ENKD1: variants seen among roughly 807,000 people sequenced by gnomAD.
The protein encoded by ENKD1 is enkurin domain containing 1.
In ENKD1, 39 loss-of-function variants were observed where a neutral mutation model predicts 35.8. That is an observed-to-expected ratio of 1.09 (90% CI 0.84 to 1.42). The LOEUF is 1.42. Among genes scored for constraint, ENKD1 ranks in the 40% most tolerant of loss-of-function variants. The probability of loss-of-function intolerance (pLI) is 0.00; values close to 1 mark genes in which losing one functional copy is unlikely to be tolerated. For synonymous variants in ENKD1, 205 were observed against 198.6 expected, an observed-to-expected ratio of 1.03 and a Z score of -0.27; for missense variants, 474 against 471.3, an observed-to-expected ratio of 1.01 and a Z score of -0.05.
At chr16:67,664,213 C>T (rs986007642) in intron 3 of ENKD1, 151 bp from the exon 4 acceptor site, 7 of 731,990 alleles carry the variant, frequency 9.6e-6, no homozygotes, top group Non-Finnish European at 1.7e-5. Flanking sequence ...CATCAGCACA[C>T]AAATGTGTGA....
intron 2 of ENKD1, among the ~76,000 whole-genome samples, chr16:67,665,681 GTGAAGTACACCAT>G (rs1392708196): frequency 2.0e-5 from 3 of 152,164 alleles, no homozygotes; most frequent in African/African-American, 4.8e-5. Context: ...CATTATTATA[GTGAAGTACACCAT>G]TGAAGTACAC....
rs1372040514 is a variant in ENKD1, at chr16:67,663,924, T to C, written c.579+13A>G. 1.2e-6 allele frequency: 2 copies of C among 1,607,240 alleles called. No individual in the cohort carries two copies. The highest frequency in any genetic ancestry group is 1.7e-6 in the Non-Finnish European group (2 of 1,176,934). Reference sequence around the variant, plus strand: ...CTGCCCAACCACCATCTAGCCCCCATACATCCTCTCACCTTAGCTTCGGGA... The same window carrying C: ...CTGCCCAACCACCATCTAGCCCCCACACATCCTCTCACCTTAGCTTCGGGA... On this transcript the variant is annotated intron_variant, in intron 4 of 6. Transcript: ENST00000243878.
intron 2 of ENKD1, 75 bp from the exon 3 acceptor site, chr16:67,665,243 G>A: frequency 1.3e-6 from 2 of 1,506,906 alleles, no homozygotes; most frequent in Non-Finnish European, 8.9e-7. Context: ...TCACACACAG[G>A]CCTGCCCCCT....
In ENKD1 at chr16:67,665,140, C is replaced by T; in HGVS notation, c.309G>A (p.Glu103=). 1 of 1,613,834 alleles carries T rather than the reference C, an allele frequency of 6.2e-7. No homozygotes were observed. The highest frequency in any genetic ancestry group is 8.5e-7 in the Non-Finnish European group (1 of 1,179,932). ...GAATCTCCCTGATCCGCCTCAGGTT[C>T]TCCTTCTCATGGTCCTTAGGGTCCT... ...KRKDPKDHEK[E]NLRRIREIQK... Residue 103 remains glutamate (E), a synonymous_variant, in exon 3 of 7, where the codon GAG becomes GAA. Transcript: ENST00000243878.
intron 3 of ENKD1, 112 bp from the exon 4 acceptor site, chr16:67,664,174 C>G: frequency 1.1e-6 from 1 of 914,996 alleles, no homozygotes; most frequent in Non-Finnish European, 1.7e-6. Flanking sequence ...CCCTCGGGCC[C>G]TCTTCCCTCT....
At chr16:67,664,852 C>T in intron 3 of ENKD1, 144 bp downstream of exon 3, 1 of 1,058,224 alleles carries the variant, frequency 9.4e-7, no homozygotes, top group Non-Finnish European at 1.3e-6. Context: ...GAGAAGCCCC[C>T]CAGCCTCGCC....
intron 2 of ENKD1, among the ~76,000 whole-genome samples, chr16:67,665,680 A>G (rs2053091555): frequency 6.6e-6 from 1 of 152,178 alleles, no homozygotes. Flanking sequence ...CCATTATTAT[A>G]GTGAAGTACA....
At chr16:67,665,241 A>G in intron 2 of ENKD1, 73 bp from the exon 3 acceptor site, 1 of 1,512,326 alleles carries the variant, frequency 6.6e-7, no homozygotes, top group Non-Finnish European at 8.9e-7. Flanking sequence ...GTTCACACAC[A>G]GGCCTGCCCC....
chr16:67,664,241 G>A (rs2053071363), intron 3 of ENKD1, 179 bp from the exon 4 acceptor site: 4 of 703,858 alleles, frequency 5.7e-6, no homozygotes, highest in Admixed American at 2.0e-5. Context: ...AGATTTTTAA[G>A]AAAACAACAA....
At position 67,666,059 on chromosome 16, in the gene ENKD1, C is replaced by T. The variant is rs769534423; in HGVS notation, c.280+12G>A. 1.9e-6 allele frequency: 3 copies of T among 1,611,050 alleles called. No individual in the cohort carries two copies. In the East Asian group the frequency reaches 6.7e-5, roughly 36 times the overall value. The stretch of plus-strand genomic sequence containing the variant: ...CTGCCTCTCTGTCCCTTCTTCCATT[C>T]CTGGGACTTACTCTTGAGAGAGGCC... On this transcript the variant is annotated intron_variant, in intron 2 of 6. Coordinates refer to ENST00000243878, the MANE Select transcript of ENKD1 (RefSeq NM_032140.3).
rs774022840 is a variant in ENKD1 at position 67,666,081 on chromosome 16, G to C, written c.270C>G (p.Ala90=). 1.1e-5 allele frequency: 17 copies of C among 1,612,442 alleles called. No homozygotes were observed. Among genetic ancestry groups the C allele is most frequent in the Non-Finnish European group, 1.3e-5 (15 of 1,179,846 alleles). The change falls in exon 2 of 7, where the codon GCC becomes GCG. Residue 90 remains alanine (A), a synonymous_variant. Coordinates refer to ENST00000243878, the MANE Select transcript of ENKD1 (RefSeq NM_032140.3). ...ATTCCTGGGACTTACTCTTGAGAGA[G>C]GCCCCAGGACCTAGGGAGATCCCCT... ...QLEGISLGPG[A]SLKRKDPKDH...
At position 67,666,445 on chromosome 16, in the gene ENKD1, C is replaced by A; in HGVS notation, c.-3G>T. ...ATGCGGGACGGGCCCTCGCACATGC[C>A]GCCGGCGCCGCCCAGCAACGGTGCC... On this transcript the variant is annotated 5_prime_UTR_variant, in exon 1 of 7. Coordinates refer to ENST00000243878, the MANE Select transcript of ENKD1 (RefSeq NM_032140.3). 6.6e-7 allele frequency: 1 copy of A among 1,507,494 alleles called. No homozygotes were observed. The highest frequency in any genetic ancestry group is 8.8e-7 in the Non-Finnish European group (1 of 1,135,412). The allele number at this position is 1,507,494 out of a possible 1,614,324, so 93.4% of individuals were successfully genotyped here.
At position 67,666,182 on chromosome 16, in the gene ENKD1, G is replaced by A. The variant is rs1013907215; in HGVS notation, c.169C>T (p.Pro57Ser). The part of the protein sequence containing the change: ...RALDTTAPRG[P>S]CIGPGAGEIL... ...TCTCCGGCACCGGGACCGATGCAGGGGCCACGGGGAGCGGTGGTGTCCAGG... is the reference window on the plus strand; with the variant it reads ...TCTCCGGCACCGGGACCGATGCAGGAGCCACGGGGAGCGGTGGTGTCCAGG... The change falls in exon 2 of 7, where the codon CCC (proline) becomes TCC (serine). Residue 57 changes from proline to serine, a missense_variant. Pro to Ser is a moderately conservative substitution (Grantham distance 74). Transcript: ENST00000243878. 6 of 1,612,112 alleles carry A rather than the reference G, an allele frequency of 3.7e-6. No homozygotes were observed. The highest frequency in any genetic ancestry group is 1.3e-5 in the African/African-American group (1 of 74,940).
rs1370355269 is a variant in ENKD1 at position 67,664,039 on chromosome 16, T to C, written c.477A>G (p.Thr159=). Residue 159 remains threonine (T), a synonymous_variant, in exon 4 of 7, where the codon ACA becomes ACG. Transcript: ENST00000243878. ...GCGCCCGCAGGAAGTGGGCAGACTCTGTCCCAGAGGCAGGGCCAGGCTCCT... is the reference window on the plus strand; with the variant it reads ...GCGCCCGCAGGAAGTGGGCAGACTCCGTCCCAGAGGCAGGGCCAGGCTCCT... ...QLQEPGPASG[T]ESAHFLRAHS... is the part of the protein sequence containing the mutation. The C allele has an allele frequency of 6.4e-7, 1 of 1,560,608 alleles. No individual in the cohort carries two copies. Among genetic ancestry groups the C allele is most frequent in the Admixed American group, 1.9e-5 (1 of 52,126 alleles).
In ENKD1 at chr16:67,665,447, C is replaced by T. The variant is rs375460042; in HGVS notation, c.281-279G>A. On this transcript the variant is annotated intron_variant, in intron 2 of 6. Transcript: ENST00000243878. ...CTGGAGTACAGTGGCATGATCATAGCTCACTGTAGCCTCAACCTCCCCGGC... is the reference window on the plus strand; with the variant it reads ...CTGGAGTACAGTGGCATGATCATAGTTCACTGTAGCCTCAACCTCCCCGGC... Among the ~76,000 whole-genome samples, 5 of 152,240 alleles carry T rather than the reference C, an allele frequency of 3.3e-5. No individual in the cohort carries two copies. The East Asian group carries it at 5.8e-4, about 18-fold the overall frequency.
In ENKD1 at chr16:67,664,031, G is replaced by T. The variant is rs776871003; in HGVS notation, c.485C>A (p.Ala162Asp). 6.4e-7 allele frequency: 1 copy of T among 1,562,894 alleles called. No individual in the cohort carries two copies. Among genetic ancestry groups the T allele is most frequent in the South Asian group, 1.2e-5 (1 of 85,148 alleles). ...GCGGGAGTGCGCCCGCAGGAAGTGG[G>T]CAGACTCTGTCCCAGAGGCAGGGCC... ...EPGPASGTES[A>D]HFLRAHSRCG... is the part of the protein sequence containing the mutation. The change falls in exon 4 of 7, where the codon GCC (alanine) becomes GAC (aspartate). Residue 162 changes from alanine (A) to aspartate (D), a missense_variant. By Grantham distance (126) the Ala-to-Asp change is moderately radical. Coordinates refer to ENST00000243878, the MANE Select transcript of ENKD1 (RefSeq NM_032140.3).
chr16:67,666,292 G>C (rs375177300), intron 1 of ENKD1, 27 bp from the exon 2 acceptor site: 5 of 1,599,442 alleles, frequency 3.1e-6, no homozygotes, highest in East Asian at 2.2e-5. Flanking sequence ...GGCGGAGTCC[G>C]GGGCTCAGAG....
intron 4 of ENKD1, 33 bp downstream of exon 4, chr16:67,663,904 C>G: frequency 6.2e-7 from 1 of 1,605,830 alleles, no homozygotes; most frequent in Non-Finnish European, 8.5e-7. Context: ...GAGCCCTGCC[C>G]AACCACCATC....
rs376082091 is a variant in ENKD1, at chr16:67,663,639, T to G, written c.743+18A>C. On this transcript the variant is annotated intron_variant, in intron 5 of 6. Coordinates refer to ENST00000243878, the MANE Select transcript of ENKD1 (RefSeq NM_032140.3). ...CCACAGGTGTCCTTCACCCTGAGTG[T>G]CGGGCAGTGAGACCTACTAATGTGG... The G allele has an allele frequency of 6.2e-7, 1 of 1,606,372 alleles. No homozygotes were observed. The highest frequency in any genetic ancestry group is 8.5e-7 in the Non-Finnish European group (1 of 1,174,692).
Sources: gnomAD v4.1 joint callset for allele counts (sites outside exome capture counted in the v4.1 genomes callset) on GRCh38, gnomAD v4.1.1 for gene constraint, MANE v1.5 for transcripts, NCBI Gene and HGNC (gene_info 2026-07-23, HGNC 2026-07-21) for gene names.